Variants in CYP4F2 observed in about 807,000 individuals in gnomAD.
CYP4F2 encodes the protein cytochrome P450 4F2.
In CYP4F2, 58 loss-of-function variants were observed where a neutral mutation model predicts 58.9. The observed-to-expected ratio is 0.98, with a 90% CI of 0.80 to 1.23. CYP4F2 has a LOEUF of 1.23. CYP4F2 is among the 50% of genes most tolerant of loss of function. The pLI, the probability that CYP4F2 is intolerant of heterozygous loss-of-function variation, is 0.00. For missense variants in CYP4F2, 616 were observed against 685.6 expected, an observed-to-expected ratio of 0.90 and a Z score of 1.13; for synonymous variants, 287 against 261.1, an observed-to-expected ratio of 1.10 and a Z score of -0.95.
At chr19:15,891,668 C>T (rs1025862033) in intron 5 of CYP4F2, among the ~76,000 whole-genome samples, 7 of 152,124 alleles carry the variant, frequency 4.6e-5, no homozygotes, top group African/African-American at 9.7e-5. Flanking sequence ...TAATAACTAA[C>T]GAAGCTAAGC....
Position 15,885,928 on chromosome 19 carries a change from C to G in CYP4F2, c.1111G>C (p.Glu371Gln), listed in dbSNP as rs750923758. Residue 371 changes from glutamate to glutamine, a missense_variant, in exon 9 of 13, where the codon GAA becomes CAA. Coordinates refer to ENST00000221700, the MANE Select transcript of CYP4F2 (RefSeq NM_001082.5). The stretch of plus-strand genomic sequence containing the variant: ...GCCACAAGCACCTGCACTCACCATT[C>G]AATCTCTTTAGGCTCACGGTCCTTC... ...LLKDREPKEI[E>Q]WDDLAHLPFL... 1.2e-6 allele frequency: 2 copies of G among 1,613,432 alleles called. No individual in the cohort carries two copies. The highest frequency in any genetic ancestry group is 3.3e-5 in the Admixed American group (2 of 60,000).
At chr19:15,896,482 C>T (rs1309473125) in intron 2 of CYP4F2, among the ~76,000 whole-genome samples, 1 of 152,170 alleles carries the variant, frequency 6.6e-6, no homozygotes, top group African/African-American at 2.4e-5. Context: ...GAGGTCCTCA[C>T]AGGGGAGATT....
At chr19:15,893,362 A>C (rs756625358) in intron 3 of CYP4F2, among the ~76,000 whole-genome samples, 1 of 152,174 alleles carries the variant, frequency 6.6e-6, no homozygotes, top group Non-Finnish European at 1.5e-5. Context: ...GTCAAACAGC[A>C]CCTGAGACAA....
At chr19:15,887,321 C>T (rs987431901) in intron 7 of CYP4F2, among the ~76,000 whole-genome samples, 1 of 151,424 alleles carries the variant, frequency 6.6e-6, no homozygotes, top group Non-Finnish European at 1.5e-5. Context: ...AACACAGACA[C>T]ACAAATACAC....
At chr19:15,892,672 C>G in intron 3 of CYP4F2, 90 bp from the exon 4 acceptor site, 1 of 1,548,800 alleles carries the variant, frequency 6.5e-7, no homozygotes, top group South Asian at 1.2e-5. Context: ...GAGGTTTGCA[C>G]TTCTCCCACT....
At chr19:15,895,398 A>G in intron 3 of CYP4F2, 108 bp downstream of exon 3, 1 of 1,320,080 alleles carries the variant, frequency 7.6e-7, no homozygotes, top group Non-Finnish European at 1.0e-6. Flanking sequence ...GATAGCTGAG[A>G]GGGAAGGAAA....
Position 15,893,315 on chromosome 19 carries a change from C to T in CYP4F2, c.344-733G>A, listed in dbSNP as rs745943907. Among the ~76,000 whole-genome samples the T allele has an allele frequency of 4.4e-4, 67 of 152,266 alleles. 1 individual carries two copies. The highest frequency in any genetic ancestry group is 3.9e-4 in the Admixed American group (6 of 15,306). ...CACACAACCCCCAGACCTCACACAACGCCCAGATGTTTGGACCACCAGGAG... is the reference window on the plus strand; with the variant it reads ...CACACAACCCCCAGACCTCACACAATGCCCAGATGTTTGGACCACCAGGAG... On this transcript the variant is annotated intron_variant, in intron 3 of 12. Transcript: ENST00000221700.
chr19:15,895,938 CATCT>C (rs1198821681), intron 2 of CYP4F2, among the ~76,000 whole-genome samples: 16 of 152,114 alleles, frequency 1.1e-4, no homozygotes, highest in African/African-American at 3.9e-4. Flanking sequence ...ATATCTACTC[CATCT>C]GTCTACATAA....
In CYP4F2 at chr19:15,895,562, G is replaced by C; in HGVS notation, c.287C>G (p.Ser96Cys). 1.3e-6 allele frequency: 2 copies of C among 1,559,156 alleles called. No homozygotes were observed. Among genetic ancestry groups the C allele is most frequent in the Non-Finnish European group, 1.7e-6 (2 of 1,160,286 alleles). ...QGFKVWMGPI[S>C]PLLSLCHPDI... ...GGGGTGGCACAAACTGAGGAGGGGGGAGATGGGTCCCATCCAGACCTTAAA... is the reference window on the plus strand; with the variant it reads ...GGGGTGGCACAAACTGAGGAGGGGGCAGATGGGTCCCATCCAGACCTTAAA... Residue 96 changes from serine to cysteine, a missense_variant, in exon 3 of 13, where the codon TCC becomes TGC. Coordinates refer to ENST00000221700, the MANE Select transcript of CYP4F2 (RefSeq NM_001082.5).
Position 15,889,409 on chromosome 19 carries a change from C to A in CYP4F2, c.918+14G>T. On this transcript the variant is annotated intron_variant, in intron 7 of 12. Transcript: ENST00000221700. Reference sequence around the variant, plus strand: ...CCCTTCTACTTCTTGAATTCAGATCCCAGAGAGGCCCACCTTGCTCAGCAG... The same window carrying A: ...CCCTTCTACTTCTTGAATTCAGATCACAGAGAGGCCCACCTTGCTCAGCAG... 6.2e-7 allele frequency: 1 copy of A among 1,613,470 alleles called. No individual in the cohort carries two copies.
chr19:15,889,205 T>C (rs1036319464), intron 7 of CYP4F2, among the ~76,000 whole-genome samples: 3 of 152,216 alleles, frequency 2.0e-5, no homozygotes, highest in African/African-American at 4.8e-5. Context: ...AGTTTGTAAA[T>C]AGAGCAAACT....
chr19:15,883,463 AAGAC>A (rs2089356970), intron 9 of CYP4F2, among the ~76,000 whole-genome samples: 1 of 152,190 alleles, frequency 6.6e-6, no homozygotes, highest in Non-Finnish European at 1.5e-5. Context: ...TTTTATCAAA[AAGAC>A]AGGCAACGAT....
chr19:15,879,879 C>A lies in CYP4F2; in HGVS notation c.1134G>T (p.Leu378Phe), dbSNP rs746394697. 4 of 1,613,996 alleles carry A rather than the reference C, an allele frequency of 2.5e-6. No homozygotes were observed. The African/African-American group carries it at 4.0e-5, about 16-fold the overall frequency. The change falls in exon 10 of 13, where the codon TTG (leucine) becomes TTT (phenylalanine). Residue 378 changes from leucine (L) to phenylalanine (F), a missense_variant. Coordinates refer to ENST00000221700, the MANE Select transcript of CYP4F2 (RefSeq NM_001082.5). ...CCTTCATGCACATGGTCAGGAAGGG[C>A]AAATGGGCCAGGTCGTCCCTAAGGA... Reference protein sequence around the residue: ...KEIEWDDLAHLPFLTMCMKES... With the variant: ...KEIEWDDLAHFPFLTMCMKES...
At position 15,889,512 on chromosome 19, in the gene CYP4F2, T is replaced by G; in HGVS notation, c.829A>C (p.Thr277Pro). 1.2e-6 allele frequency: 2 copies of G among 1,614,012 alleles called. No homozygotes were observed. Among genetic ancestry groups the G allele is most frequent in the Non-Finnish European group, 1.7e-6 (2 of 1,180,004 alleles). Residue 277 changes from threonine (T) to proline (P), a missense_variant, in exon 7 of 13, where the codon ACT becomes CCT. Physicochemically the swap from Thr to Pro is conservative, Grantham distance 38. Coordinates refer to ENST00000221700, the MANE Select transcript of CYP4F2 (RefSeq NM_001082.5). ...TCATCAACACCCTGGCTAGGGAGAG[T>G]GCGGCGCCGCTCCTGGATGACGGCA... ...TDAVIQERRR[T>P]LPSQGVDDFL...
chr19:15,897,382 G>A, intron 2 of CYP4F2, 32 bp downstream of exon 2: 1 of 1,601,326 alleles, frequency 6.2e-7, no homozygotes, highest in Non-Finnish European at 8.5e-7. Context: ...CATCCATCCT[G>A]AGACCTAGAC....
At position 15,878,608 on chromosome 19, in the gene CYP4F2, C is replaced by G. The variant is rs1053043169; in HGVS notation, c.*163G>C. Reference sequence around the variant, plus strand: ...TGTGAATAGGGCCGCCATGAACATTCACGCACAAGCGTCTTTCTGTTTGAA... The same window carrying G: ...TGTGAATAGGGCCGCCATGAACATTGACGCACAAGCGTCTTTCTGTTTGAA... On this transcript the variant is annotated 3_prime_UTR_variant, in exon 13 of 13. Coordinates refer to ENST00000221700, the MANE Select transcript of CYP4F2 (RefSeq NM_001082.5). The G allele has an allele frequency of 9.7e-7, 1 of 1,031,376 alleles. No homozygotes were observed. Among genetic ancestry groups the G allele is most frequent in the African/African-American group, 1.6e-5 (1 of 63,186 alleles). The allele number at this position is 1,031,376 out of a possible 1,614,324, so 63.9% of individuals were successfully genotyped here. A position where few individuals can be genotyped will look rare whatever the true frequency, so the allele number is the denominator to read the frequency against.
chr19:15,889,547 T>C lies in CYP4F2; in HGVS notation c.794A>G (p.Asp265Gly), dbSNP rs529347632. 6.6e-5 allele frequency: 106 copies of C among 1,614,140 alleles called. 3 individuals are homozygous for C. The South Asian group carries it at 1.1e-3, about 17-fold the overall frequency. ...CTCCTGGATGACGGCATCTGTGAAG[T>C]CGTGCACCAGGCGGCAGGCCCTGCG... ...RFRRACRLVH[D>G]FTDAVIQERR... The change falls in exon 7 of 13, where the codon GAC (aspartate) becomes GGC (glycine). Residue 265 changes from aspartate to glycine, a missense_variant. Asp to Gly is a moderately conservative substitution (Grantham distance 94). Transcript: ENST00000221700.
intron 7 of CYP4F2, among the ~76,000 whole-genome samples, chr19:15,888,502 A>G (rs2145007990): frequency 6.6e-6 from 1 of 152,306 alleles, no homozygotes; most frequent in South Asian, 2.1e-4. Context: ...AAATACAAAT[A>G]CACATAGACA....
intron 7 of CYP4F2, 25 bp from the exon 8 acceptor site, chr19:15,886,333 C>CG (rs761217953): frequency 1.4e-5 from 22 of 1,602,022 alleles, no homozygotes; most frequent in African/African-American, 2.7e-5. Flanking sequence ...GTAACCCCCC[C>CG]CAACCCCCAC....
Sources: allele counts gnomAD v4.1 joint callset (sites outside exome capture counted in the v4.1 genomes callset), GRCh38; gene constraint gnomAD v4.1.1; transcripts MANE v1.5; gene names NCBI Gene and HGNC (gene_info 2026-07-23, HGNC 2026-07-21).